The following NRXN3 variants were observed in gnomAD, a reference collection of about 807,000 sequenced individuals.
NRXN3 encodes neurexin III.
In NRXN3, 32 loss-of-function variants were observed where a neutral mutation model predicts 137.6. The ratio of observed to expected loss-of-function variants is 0.23; its 90% confidence interval spans 0.18 to 0.31. The LOEUF (loss-of-function observed/expected upper bound fraction) is 0.31, where lower values mean the gene tolerates loss of function less well. Among genes scored for constraint, NRXN3 ranks in the 10% least tolerant of loss-of-function variants. NRXN3 has a pLI of 1.00. For synonymous variants in NRXN3, 798 were observed against 784.5 expected, an observed-to-expected ratio of 1.02 and a Z score of -0.29; for missense variants, 1,574 against 2,062.5, an observed-to-expected ratio of 0.76 and a Z score of 4.59.
intron 4 of NRXN3, among the ~76,000 whole-genome samples, chr14:78,617,014 C>A (rs922171580): frequency 6.6e-6 from 1 of 152,206 alleles, no homozygotes; most frequent in Admixed American, 6.5e-5. Context: ...GCTCACCCCC[C>A]ACTGCACTAA....
chr14:79,643,062 C>T (rs553127878), intron 16 of NRXN3, among the ~76,000 whole-genome samples: 4 of 136,042 alleles, frequency 2.9e-5, no homozygotes, highest in African/African-American at 9.8e-5. Context: ...AAGCAGCTTG[C>T]TGCTCTGTTA....
At chr14:79,729,351 G>A (rs72696798) in intron 19 of NRXN3, among the ~76,000 whole-genome samples, 3,892 of 152,190 alleles carry the variant, frequency 0.026, 63 homozygotes, top group Non-Finnish European at 0.04. Context: ...AGTGGGAGGA[G>A]AAAAAGAAAA....
chr14:79,042,102 A>G (rs2099626006), intron 15 of NRXN3, among the ~76,000 whole-genome samples: 1 of 152,194 alleles, frequency 6.6e-6, no homozygotes, highest in Admixed American at 6.5e-5. Context: ...CGGCCTTGTC[A>G]TTTATCTAAC....
Position 78,967,381 on chromosome 14 carries a change from A to G in NRXN3, c.2951A>G (p.Lys984Arg). The G allele has an allele frequency of 6.2e-7, 1 of 1,613,528 alleles. No homozygotes were observed. The highest frequency in any genetic ancestry group is 8.5e-7 in the Non-Finnish European group (1 of 1,179,572). ...GTCACTCAGGTTATCAATGGTGCCAAAAATCTGGATTTGAAAGGTAAACCT... is the reference window on the plus strand; with the variant it reads ...GTCACTCAGGTTATCAATGGTGCCAGAAATCTGGATTTGAAAGGTAAACCT... ...KVVTQVINGAKNLDLKGDLYM... is the reference protein window; with the variant it reads ...KVVTQVINGARNLDLKGDLYM... The change falls in exon 13 of 21, where the codon AAA (lysine) becomes AGA (arginine). Residue 984 changes from lysine to arginine, a missense_variant. Lys to Arg is a conservative substitution (Grantham distance 26, BLOSUM62 2). Transcript: ENST00000335750.
chr14:79,661,016 A>G (rs1057197781), intron 16 of NRXN3, among the ~76,000 whole-genome samples: 2 of 152,124 alleles, frequency 1.3e-5, no homozygotes, highest in African/African-American at 4.8e-5. Flanking sequence ...GAAAGCAGAA[A>G]AGTCATATTA....
intron 15 of NRXN3, among the ~76,000 whole-genome samples, chr14:79,261,309 T>C (rs533367979): frequency 2.0e-5 from 3 of 152,230 alleles, no homozygotes; most frequent in East Asian, 3.9e-4. Context: ...GTGAGCAAAG[T>C]TGAATGAGAT....
chr14:79,309,873 G>T (rs1404871850), intron 15 of NRXN3, among the ~76,000 whole-genome samples: 21 of 119,350 alleles, frequency 1.8e-4, no homozygotes, highest in African/African-American at 6.5e-4. Flanking sequence ...TTTCTCCCAT[G>T]TTGTAGGTTG....
At chr14:79,001,453 A>T (rs1344565970) in intron 15 of NRXN3, among the ~76,000 whole-genome samples, 1 of 152,136 alleles carries the variant, frequency 6.6e-6, no homozygotes, top group Non-Finnish European at 1.5e-5. Context: ...TTGAATATTC[A>T]TGGCTTTCTA....
intron 4 of NRXN3, among the ~76,000 whole-genome samples, chr14:78,386,312 G>A (rs1039219518): frequency 2.0e-5 from 3 of 152,108 alleles, no homozygotes; most frequent in Non-Finnish European, 4.4e-5. Flanking sequence ...TTAAAAGTTT[G>A]CTTTTCAAAG....
At chr14:78,502,098 A>G (rs1354072151) in intron 4 of NRXN3, among the ~76,000 whole-genome samples, 1 of 152,152 alleles carries the variant, frequency 6.6e-6, no homozygotes, top group African/African-American at 2.4e-5. Flanking sequence ...ATGGGAGATC[A>G]CGTGACCAGT....
chr14:79,440,311 C>G (rs545022486), intron 15 of NRXN3, among the ~76,000 whole-genome samples: 1 of 152,232 alleles, frequency 6.6e-6, no homozygotes, highest in Admixed American at 6.5e-5. Flanking sequence ...CCTTCTATAC[C>G]TCAGTTTTCT....
chr14:79,284,238 C>T (rs1303642672), intron 15 of NRXN3, among the ~76,000 whole-genome samples: 6 of 149,410 alleles, frequency 4.0e-5, no homozygotes, highest in Non-Finnish European at 7.4e-5. Context: ...TGGCTCACAC[C>T]TGTAATCCTA....
intron 1 of NRXN3, among the ~76,000 whole-genome samples, chr14:78,182,148 G>T (rs1354167881): frequency 6.6e-6 from 1 of 151,932 alleles, no homozygotes; most frequent in Non-Finnish European, 1.5e-5. Flanking sequence ...AATTCGTTGA[G>T]CACTCACCGT....
intron 20 of NRXN3, among the ~76,000 whole-genome samples, chr14:79,822,774 T>TA (rs35604873): frequency 0.31 from 46,358 of 151,600 alleles, 7,745 homozygotes; most frequent in Admixed American, 0.42. Flanking sequence ...TAATTTCAGT[T>TA]AAAAAAATAG....
intron 15 of NRXN3, among the ~76,000 whole-genome samples, chr14:79,347,240 AT>A (rs2092930991): frequency 6.6e-6 from 1 of 151,896 alleles, no homozygotes; most frequent in Non-Finnish European, 1.5e-5. Context: ...TTTTTTTTTA[AT>A]TTGGAGAAAT....
intron 4 of NRXN3, among the ~76,000 whole-genome samples, chr14:78,643,331 G>A (rs1282461162): frequency 1.2e-4 from 19 of 152,098 alleles, no homozygotes; most frequent in Admixed American, 1.2e-3. Context: ...TTATTTTGTA[G>A]CCTCCAATCT....
intron 15 of NRXN3, among the ~76,000 whole-genome samples, chr14:79,342,965 G>T (rs2092687183): frequency 6.6e-6 from 1 of 152,110 alleles, no homozygotes. Flanking sequence ...GCGGGTAGGG[G>T]CTTGGGAAGT....
At chr14:79,316,119 A>C (rs1317362406) in intron 15 of NRXN3, among the ~76,000 whole-genome samples, 1 of 152,222 alleles carries the variant, frequency 6.6e-6, no homozygotes, top group Admixed American at 6.5e-5. Context: ...TTCTTCACAC[A>C]CACACAGACT....
chr14:79,084,963 A>G (rs1233473841), intron 15 of NRXN3, among the ~76,000 whole-genome samples: 7 of 152,104 alleles, frequency 4.6e-5, no homozygotes, highest in Non-Finnish European at 8.8e-5. Flanking sequence ...TTTAAGGTAA[A>G]ATGCATTAAG....
Sources: gnomAD v4.1 joint callset for allele counts (sites outside exome capture counted in the v4.1 genomes callset) on GRCh38, gnomAD v4.1.1 for gene constraint, MANE v1.5 for transcripts, NCBI Gene and HGNC (gene_info 2026-07-23, HGNC 2026-07-21) for gene names.